NPAS3: variants seen among roughly 807,000 people sequenced by gnomAD.
NPAS3 encodes the protein neuronal PAS domain protein 3.
Under a neutral mutation model 73.1 loss-of-function variants are expected in NPAS3, and 14 were observed. The ratio of observed to expected loss-of-function variants is 0.19; its 90% confidence interval spans 0.13 to 0.30. The LOEUF is 0.30. Among genes scored for constraint, NPAS3 ranks in the 10% least tolerant of loss-of-function variants. NPAS3 has a pLI of 1.00. For synonymous variants in NPAS3, 620 were observed against 541.5 expected (o/e 1.14, Z -2.01); for missense variants, 1,096 against 1,250.0 (o/e 0.88, Z 1.86).
chr14:33,251,375 T>C (rs966825963), intron 3 of NPAS3, among the ~76,000 whole-genome samples: 2 of 152,078 alleles, frequency 1.3e-5, no homozygotes, highest in African/African-American at 2.4e-5. Flanking sequence ...TGGGTGTACC[T>C]CCATATACAG....
chr14:33,024,482 T>A (rs1389515371), intron 1 of NPAS3, among the ~76,000 whole-genome samples: 1 of 152,146 alleles, frequency 6.6e-6, no homozygotes, highest in Non-Finnish European at 1.5e-5. Flanking sequence ...CCAAGTAATA[T>A]ATTTAAATCA....
At chr14:33,526,106 G>GTTT (rs2053789995) in intron 4 of NPAS3, among the ~76,000 whole-genome samples, 1 of 152,070 alleles carries the variant, frequency 6.6e-6, no homozygotes, top group Admixed American at 6.6e-5. Context: ...TTTCCATGTT[G>GTTT]TTTTCCTACC....
chr14:33,675,360 T>G (rs917808831), intron 5 of NPAS3, among the ~76,000 whole-genome samples: 80 of 152,222 alleles, frequency 5.3e-4, no homozygotes, highest in African/African-American at 1.9e-3. Flanking sequence ...GCAGGGGTCA[T>G]GCCTGACAGC....
intron 1 of NPAS3, among the ~76,000 whole-genome samples, chr14:33,021,011 C>T (rs571853391): frequency 1.4e-4 from 22 of 152,294 alleles, no homozygotes; most frequent in African/African-American, 3.9e-4. Context: ...GATCCACCTG[C>T]CTCAGCCTCC....
chr14:33,083,549 C>A (rs1372493753), intron 2 of NPAS3, among the ~76,000 whole-genome samples: 1 of 152,150 alleles, frequency 6.6e-6, no homozygotes, highest in Non-Finnish European at 1.5e-5. Context: ...AATTATGTTA[C>A]TTCTAGGGGA....
At chr14:33,644,562 A>G (rs984496086) in intron 5 of NPAS3, among the ~76,000 whole-genome samples, 1 of 152,106 alleles carries the variant, frequency 6.6e-6, no homozygotes, top group African/African-American at 2.4e-5. Flanking sequence ...ACTTTGAGGT[A>G]GGTTTAGGAG....
chr14:33,093,823 C>T (rs976064194), intron 2 of NPAS3, among the ~76,000 whole-genome samples: 2 of 152,134 alleles, frequency 1.3e-5, no homozygotes, highest in Non-Finnish European at 2.9e-5. Flanking sequence ...TTTGTAGGGA[C>T]AAGGATGAAG....
intron 6 of NPAS3, among the ~76,000 whole-genome samples, chr14:33,726,655 C>T (rs8016849): frequency 0.44 from 67,206 of 151,984 alleles, 15,412 homozygotes; most frequent in Middle Eastern, 0.54. Context: ...ATTATTGTAT[C>T]TATTTTTGCT....
intron 5 of NPAS3, among the ~76,000 whole-genome samples, chr14:33,611,440 G>A (rs115952009): frequency 6.2e-4 from 94 of 152,228 alleles, no homozygotes; most frequent in Admixed American, 1.6e-3. Flanking sequence ...AAGAGAAAAC[G>A]TAGAGGAAGA....
intron 4 of NPAS3, among the ~76,000 whole-genome samples, chr14:33,438,233 A>T (rs1166327996): frequency 6.6e-6 from 1 of 152,240 alleles, no homozygotes; most frequent in Non-Finnish European, 1.5e-5. Flanking sequence ...GAGCATAGAA[A>T]AGATGACATG....
intron 2 of NPAS3, among the ~76,000 whole-genome samples, chr14:33,113,835 A>G (rs926325472): frequency 7.9e-5 from 12 of 152,152 alleles, no homozygotes; most frequent in African/African-American, 2.2e-4. Flanking sequence ...ATTTTGAGAT[A>G]CGTCCCATCA....
intron 2 of NPAS3, among the ~76,000 whole-genome samples, chr14:33,075,379 T>C (rs1566533291): frequency 6.6e-6 from 1 of 152,250 alleles, no homozygotes. Context: ...GTTTCAGTTA[T>C]TTTTGCAATT....
intron 1 of NPAS3, among the ~76,000 whole-genome samples, chr14:33,046,591 T>C (rs927636776): frequency 1.3e-5 from 2 of 151,986 alleles, no homozygotes; most frequent in African/African-American, 4.8e-5. Flanking sequence ...TGGAAGGTGA[T>C]GGAAGGGAAG....
chr14:33,586,921 G>A (rs1231676847), intron 5 of NPAS3, among the ~76,000 whole-genome samples: 1 of 152,112 alleles, frequency 6.6e-6, no homozygotes, highest in African/African-American at 2.4e-5. Flanking sequence ...AGAGTTTGGG[G>A]GAGCACTGAG....
intron 7 of NPAS3, among the ~76,000 whole-genome samples, chr14:33,767,931 A>G (rs964330333): frequency 6.6e-6 from 1 of 152,216 alleles, no homozygotes; most frequent in African/African-American, 2.4e-5. Context: ...TGAAAGGAGC[A>G]TATGGCAGGA....
chr14:33,133,059 A>G (rs1051073691), intron 2 of NPAS3, among the ~76,000 whole-genome samples: 1 of 152,218 alleles, frequency 6.6e-6, no homozygotes, highest in African/African-American at 2.4e-5. Flanking sequence ...ATTATTTGTT[A>G]ATAAAGTACA....
intron 3 of NPAS3, among the ~76,000 whole-genome samples, chr14:33,334,122 T>TCC (rs1255742946): frequency 1.3e-5 from 2 of 152,188 alleles, no homozygotes; most frequent in African/African-American, 2.4e-5. Context: ...TATGGCAGGT[T>TCC]CACTTTGTCT....
At chr14:33,004,028 C>T (rs1397906499) in intron 1 of NPAS3, among the ~76,000 whole-genome samples, 3 of 152,170 alleles carry the variant, frequency 2.0e-5, no homozygotes, top group African/African-American at 4.8e-5. Context: ...ATTAGTTAAC[C>T]ACAGTTTTCT....
At chr14:33,568,079 G>A (rs1385997892) in intron 5 of NPAS3, among the ~76,000 whole-genome samples, 1 of 152,146 alleles carries the variant, frequency 6.6e-6, no homozygotes, top group African/African-American at 2.4e-5. Flanking sequence ...AAAAAAGGAA[G>A]ATGGAGTATT....
Sources: gnomAD v4.1 joint callset for allele counts (sites outside exome capture counted in the v4.1 genomes callset) on GRCh38, gnomAD v4.1.1 for gene constraint, MANE v1.5 for transcripts, NCBI Gene and HGNC (gene_info 2026-07-23, HGNC 2026-07-21) for gene names.